The following HIVEP2 variants were observed in gnomAD, a reference collection of about 807,000 sequenced individuals.
The protein encoded by HIVEP2 is HIVEP zinc finger 2.
Under a neutral mutation model 180.7 loss-of-function variants are expected in HIVEP2, and 14 were observed. The observed-to-expected ratio is 0.08, with a 90% CI of 0.05 to 0.12. HIVEP2 has a LOEUF of 0.12. Among genes scored for constraint, HIVEP2 ranks in the 10% least tolerant of loss-of-function variants. The probability of loss-of-function intolerance (pLI) is 1.00; values close to 1 mark genes in which losing one functional copy is unlikely to be tolerated. For synonymous variants in HIVEP2, 1,184 were observed against 1,136.4 expected (o/e 1.04, Z -0.84); for missense variants, 2,579 against 3,008.5 (o/e 0.86, Z 3.34).
At chr6:142,764,711 G>A (rs1332040587) in intron 7 of HIVEP2, 88 bp downstream of exon 7, 2 of 912,638 alleles carry the variant, frequency 2.2e-6, no homozygotes, top group East Asian at 2.6e-5. Context: ...TATCTTTATT[G>A]TTGATGAAGG....
intron 1 of HIVEP2, among the ~76,000 whole-genome samples, chr6:142,888,670 A>G (rs1015015003): frequency 3.9e-5 from 6 of 152,140 alleles, no homozygotes; most frequent in African/African-American, 1.4e-4. Context: ...TCAAACATTC[A>G]AAGAACCCAA....
intron 1 of HIVEP2, among the ~76,000 whole-genome samples, chr6:142,845,249 G>A (rs1257713311): frequency 6.6e-6 from 1 of 152,176 alleles, no homozygotes; most frequent in Non-Finnish European, 1.5e-5. Flanking sequence ...CTCCTCTGTG[G>A]GAAATATTAG....
intron 2 of HIVEP2, among the ~76,000 whole-genome samples, chr6:142,823,449 A>G (rs1268523747): frequency 6.6e-6 from 1 of 152,174 alleles, no homozygotes; most frequent in Non-Finnish European, 1.5e-5. Flanking sequence ...GTGGATTGTG[A>G]CATTGCAGTG....
At position 142,898,131 on chromosome 6, in the gene HIVEP2, C is replaced by G. The variant is rs367951390; in HGVS notation, c.-641+46968G>C. ...CTATAGACACTGCAGTGATAACAAC[C>G]TACCCTTTATTTGGAACTGGCTTTG... On this transcript the variant is annotated intron_variant, in intron 1 of 9. Transcript: ENST00000367603. 5.3e-5 allele frequency among the ~76,000 whole-genome samples: 8 copies of G among 152,304 alleles called. No homozygotes were observed. In the South Asian group the frequency reaches 1.7e-3, roughly 32 times the overall value.
chr6:142,916,440 T>C (rs1171739351), intron 1 of HIVEP2, among the ~76,000 whole-genome samples: 1 of 152,202 alleles, frequency 6.6e-6, no homozygotes, highest in Non-Finnish European at 1.5e-5. Flanking sequence ...GCCACAGCAG[T>C]GTTCCTTTAC....
chr6:142,840,198 T>C (rs898853887), intron 1 of HIVEP2, among the ~76,000 whole-genome samples: 1 of 152,136 alleles, frequency 6.6e-6, no homozygotes, highest in African/African-American at 2.4e-5. Context: ...CCTTGACAAG[T>C]TATACGCCCA....
chr6:142,788,383 C>T (rs1369228094), intron 2 of HIVEP2: 2 of 151,946 alleles, frequency 1.3e-5, no homozygotes, highest in Admixed American at 1.3e-4. Flanking sequence ...TGTATTTACA[C>T]AATACAGAAA....
chr6:142,763,547 T>C (rs1775305352), intron 7 of HIVEP2, among the ~76,000 whole-genome samples: 1 of 152,256 alleles, frequency 6.6e-6, no homozygotes, highest in African/African-American at 2.4e-5. Flanking sequence ...TTTAAAAATA[T>C]CTAGAGATGT....
intron 2 of HIVEP2, among the ~76,000 whole-genome samples, chr6:142,798,327 C>T (rs1249505204): frequency 6.6e-6 from 1 of 152,108 alleles, no homozygotes; most frequent in African/African-American, 2.4e-5. Context: ...CTTCACAGAT[C>T]TCTGGAGCAA....
At chr6:142,860,278 C>T (rs1187530027) in intron 1 of HIVEP2, among the ~76,000 whole-genome samples, 1 of 152,130 alleles carries the variant, frequency 6.6e-6, no homozygotes, top group Non-Finnish European at 1.5e-5. Context: ...TATATTTTAT[C>T]ATTTGTTTCA....
chr6:142,785,309 CAAA>C (rs57458259), intron 2 of HIVEP2, among the ~76,000 whole-genome samples: 13 of 65,390 alleles, frequency 2.0e-4, no homozygotes, highest in East Asian at 6.6e-4. Context: ...TGGCATTCCT[CAAA>C]AAAAAAAAAA....
intron 1 of HIVEP2, among the ~76,000 whole-genome samples, chr6:142,852,809 C>T (rs757756031): frequency 6.6e-6 from 1 of 152,112 alleles, no homozygotes; most frequent in African/African-American, 2.4e-5. Flanking sequence ...GGGAAAAATA[C>T]ATAAGATACT....
At chr6:142,765,789 G>A (rs918851313) in intron 6 of HIVEP2, among the ~76,000 whole-genome samples, 4 of 152,090 alleles carry the variant, frequency 2.6e-5, no homozygotes, top group Non-Finnish European at 5.9e-5. Context: ...GATAATCAAG[G>A]GAAGAAATCT....
intron 1 of HIVEP2, among the ~76,000 whole-genome samples, chr6:142,897,626 T>C (rs1285158435): frequency 1.3e-5 from 2 of 152,112 alleles, no homozygotes; most frequent in Non-Finnish European, 1.5e-5. Flanking sequence ...TCCATATACA[T>C]AAAGGACAAA....
chr6:142,762,741 G>A (rs1775281812), intron 7 of HIVEP2, among the ~76,000 whole-genome samples: 1 of 152,156 alleles, frequency 6.6e-6, no homozygotes, highest in Non-Finnish European at 1.5e-5. Context: ...TAATATATGA[G>A]CCACAGTTAA....
In HIVEP2 at chr6:142,773,509, T is replaced by C. The variant is rs1009891862; in HGVS notation, c.1230A>G (p.Gln410=). 1 of 1,614,136 alleles carries C rather than the reference T, an allele frequency of 6.2e-7. No individual in the cohort carries two copies. Among genetic ancestry groups the C allele is most frequent in the Non-Finnish European group, 8.5e-7 (1 of 1,180,052 alleles). The change falls in exon 5 of 10, where the codon CAA becomes CAG. Residue 410 remains glutamine, a synonymous_variant. Transcript: ENST00000367603. ...YFSRSESAEQ[Q]ISPPNTNAKS... ...TTGCATTTGTGTTGGGAGGGCTTAT[T>C]TGCTGCTCAGCACTTTCTGAGCGAG...
chr6:142,877,968 CTGTGTGTGTGTA>C (rs1489360160), intron 1 of HIVEP2, among the ~76,000 whole-genome samples: 4 of 151,964 alleles, frequency 2.6e-5, no homozygotes, highest in Non-Finnish European at 5.9e-5. Context: ...TTGTGTGTTT[CTGTGTGTGTGTA>C]TGTGTGTGTG....
chr6:142,911,397 T>C lies in HIVEP2; in HGVS notation c.-641+33702A>G, dbSNP rs141232754. 3.0e-4 allele frequency among the ~76,000 whole-genome samples: 45 copies of C among 152,260 alleles called. 1 individual carries two copies. In the East Asian group the frequency reaches 8.7e-3, roughly 29 times the overall value. ...GAGAAAATATGTATAATCATATCTC[T>C]TGGTACCATAGTCAACACAGAAAGA... On this transcript the variant is annotated intron_variant, in intron 1 of 9. Transcript: ENST00000367603.
chr6:142,856,945 G>A (rs538053462), intron 1 of HIVEP2, among the ~76,000 whole-genome samples: 3 of 152,288 alleles, frequency 2.0e-5, no homozygotes, highest in Middle Eastern at 6.8e-3. Flanking sequence ...TGTACTTCAA[G>A]TGGGTTCTGA....
Sources: allele counts gnomAD v4.1 joint callset (sites outside exome capture counted in the v4.1 genomes callset), GRCh38; gene constraint gnomAD v4.1.1; transcripts MANE v1.5; gene names NCBI Gene and HGNC (gene_info 2026-07-23, HGNC 2026-07-21).